IL1RL1: variants seen among roughly 807,000 people sequenced by gnomAD.
IL1RL1 encodes the protein interleukin-1 receptor-like 1.
A neutral mutation model predicts 50.9 loss-of-function variants in IL1RL1; 32 were observed. The ratio of observed to expected loss-of-function variants is 0.63; its 90% confidence interval spans 0.47 to 0.84. IL1RL1 has a LOEUF of 0.84. IL1RL1 is among the 40% of genes least tolerant of loss of function. The pLI is 0.00. For synonymous variants in IL1RL1, 275 were observed against 236.0 expected (o/e 1.17, Z -1.51); for missense variants, 773 against 662.9 (o/e 1.17, Z -1.82).
intron 10 of IL1RL1, among the ~76,000 whole-genome samples, chr2:102,350,793 C>T (rs1462977586): frequency 1.5e-5 from 2 of 134,666 alleles, no homozygotes; most frequent in African/African-American, 6.1e-5. Context: ...AGCACCTCTT[C>T]TCAGCTGGCC....
intron 1 of IL1RL1, among the ~76,000 whole-genome samples, chr2:102,317,510 A>G (rs1676712448): frequency 6.6e-6 from 1 of 152,202 alleles, no homozygotes; most frequent in South Asian, 2.1e-4. Context: ...GTTCCTTATT[A>G]GACTTTCTCC....
At chr2:102,343,705 C>T (rs942643017) in intron 8 of IL1RL1, 11 of 1,333,950 alleles carry the variant, frequency 8.2e-6, no homozygotes, top group Non-Finnish European at 1.1e-5. Flanking sequence ...ACTTTATGAA[C>T]TCCCTCTGTG....
At chr2:102,347,800 C>A in intron 8 of IL1RL1, 145 bp from the exon 9 acceptor site, 1 of 585,990 alleles carries the variant, frequency 1.7e-6, no homozygotes. Context: ...TGTGACTGTC[C>A]TGGTACTTAA....
chr2:102,349,223 G>A lies in IL1RL1; in HGVS notation c.1262G>A (p.Gly421Glu). Reference sequence around the variant, plus strand: ...TGTGGCTATACCTTATGCATTTATGGGAGAGATATGCTACCTGGAGAAGGT... The same window carrying A: ...TGTGGCTATACCTTATGCATTTATGAGAGAGATATGCTACCTGGAGAAGGT... ...NKCGYTLCIY[G>E]RDMLPGEDVV... Residue 421 changes from glycine (G) to glutamate (E), a missense_variant, in exon 10 of 11, where the codon GGG becomes GAG. Transcript: ENST00000233954. 6.2e-7 allele frequency: 1 copy of A among 1,613,588 alleles called. No individual in the cohort carries two copies. The highest frequency in any genetic ancestry group is 1.6e-4 in the Middle Eastern group (1 of 6,062).
rs750155526 is a variant in IL1RL1, at chr2:102,338,951, C to T, written c.176C>T (p.Thr59Ile). Reference protein sequence around the residue: ...YYSQTNKSIPTQERNRVFASG... With the variant: ...YYSQTNKSIPIQERNRVFASG... ...TCACAAACAAACAAAAGTATTCCCA[C>T]TCAGGAAAGAAATCGTGTGTTTGCC... The change falls in exon 3 of 11, where the codon ACT (threonine) becomes ATT (isoleucine). Residue 59 changes from threonine (T) to isoleucine (I), a missense_variant. Coordinates refer to ENST00000233954, the MANE Select transcript of IL1RL1 (RefSeq NM_016232.5). 4.3e-5 allele frequency: 69 copies of T among 1,613,906 alleles called. No individual in the cohort carries two copies. In the Middle Eastern group the frequency reaches 1.3e-3, roughly 31 times the overall value.
At chr2:102,324,016 T>TTTG (rs1228762078) in intron 1 of IL1RL1, among the ~76,000 whole-genome samples, 1 of 151,256 alleles carries the variant, frequency 6.6e-6, no homozygotes, top group African/African-American at 2.4e-5. Flanking sequence ...AGTAGTTCTT[T>TTTG]TTTTTTTTTT....
At chr2:102,344,913 A>G (rs567022531) in intron 8 of IL1RL1, 756 of 971,384 alleles carry the variant, frequency 7.8e-4, no homozygotes, top group South Asian at 1.6e-3. Flanking sequence ...TAATGATATC[A>G]TTATAATTTG....
intron 1 of IL1RL1, among the ~76,000 whole-genome samples, chr2:102,323,273 A>ATATATATAGTGT (rs1303334375): frequency 2.1e-5 from 1 of 48,500 alleles, no homozygotes; most frequent in Non-Finnish European, 4.7e-5. Context: ...ATATATATAT[A>ATATATATAGTGT]GTGTGTGTGT....
At chr2:102,334,281 G>A (rs954596289) in intron 1 of IL1RL1, among the ~76,000 whole-genome samples, 7 of 152,016 alleles carry the variant, frequency 4.6e-5, no homozygotes, top group Non-Finnish European at 8.8e-5. Flanking sequence ...CCATTCAGAC[G>A]GGTCTTCTGG....
At chr2:102,319,269 A>C (rs964169336) in intron 1 of IL1RL1, among the ~76,000 whole-genome samples, 1 of 152,122 alleles carries the variant, frequency 6.6e-6, no homozygotes, top group Non-Finnish European at 1.5e-5. Flanking sequence ...AATCACAAAT[A>C]TATCTCCCTC....
intron 1 of IL1RL1, among the ~76,000 whole-genome samples, chr2:102,331,545 C>T (rs1677179160): frequency 6.6e-6 from 1 of 152,236 alleles, no homozygotes; most frequent in South Asian, 2.1e-4. Context: ...AGAGCTTCTT[C>T]TGGCTCTCTA....
At chr2:102,325,432 A>G (rs1485795700) in intron 1 of IL1RL1, among the ~76,000 whole-genome samples, 1 of 152,234 alleles carries the variant, frequency 6.6e-6, no homozygotes, top group African/African-American at 2.4e-5. Context: ...GGAAACTCTA[A>G]AAATCAGAGC....
chr2:102,319,445 T>A lies in IL1RL1; in HGVS notation c.-150+7822T>A, dbSNP rs555475871. The stretch of plus-strand genomic sequence containing the variant: ...AAGAGAAACAGAAAAGAAAGGGAGG[T>A]GCAACAAAATGAAGGTAAATATTAG... On this transcript the variant is annotated intron_variant, in intron 1 of 10. Coordinates refer to ENST00000233954, the MANE Select transcript of IL1RL1 (RefSeq NM_016232.5). Among the ~76,000 whole-genome samples, 3 of 152,026 alleles carry A rather than the reference T, an allele frequency of 2.0e-5. No individual in the cohort carries two copies. The South Asian group carries it at 6.2e-4, about 32-fold the overall frequency.
chr2:102,342,240 C>T lies in IL1RL1; in HGVS notation c.628C>T (p.Leu210=), dbSNP rs1170969095. Residue 210 remains leucine (L), a synonymous_variant, in exon 6 of 11, where the codon CTG becomes TTG. Coordinates refer to ENST00000233954, the MANE Select transcript of IL1RL1 (RefSeq NM_016232.5). ...TCTTTAAGATGAGCAAGGCTTTTCT[C>T]TGTTTCCAGTAATCGGAGCCCCTGC... ...FTVKDEQGFS[L]FPVIGAPAQN... 1 of 1,610,926 alleles carries T rather than the reference C, an allele frequency of 6.2e-7. No homozygotes were observed. Among genetic ancestry groups the T allele is most frequent in the African/African-American group, 1.3e-5 (1 of 74,820 alleles).
intron 1 of IL1RL1, among the ~76,000 whole-genome samples, chr2:102,328,284 G>A (rs1423612123): frequency 6.6e-6 from 1 of 152,046 alleles, no homozygotes; most frequent in African/African-American, 2.4e-5. Context: ...ATGCAGAAAA[G>A]GCCTTTGACA....
intron 6 of IL1RL1, among the ~76,000 whole-genome samples, chr2:102,342,760 G>T (rs1438983705): frequency 3.9e-5 from 6 of 152,116 alleles, no homozygotes; most frequent in African/African-American, 7.2e-5. Context: ...TGTAATGTGG[G>T]GTTGGTGAAG....
intron 1 of IL1RL1, among the ~76,000 whole-genome samples, chr2:102,325,744 G>A (rs533267451): frequency 6.6e-6 from 1 of 152,204 alleles, no homozygotes. Context: ...CTGGAAGAAA[G>A]GGTATCAGTG....
intron 8 of IL1RL1, among the ~76,000 whole-genome samples, chr2:102,346,949 C>A (rs554498963): frequency 1.2e-4 from 18 of 152,330 alleles, no homozygotes; most frequent in African/African-American, 3.4e-4. Flanking sequence ...ATGCATGTTG[C>A]ATCTACATTT....
In IL1RL1 at chr2:102,312,013, T is replaced by A. The variant is rs13404227; in HGVS notation, c.-150+390T>A. 2.0e-3 allele frequency among the ~76,000 whole-genome samples: 49 copies of A among 24,354 alleles called. 2 individuals carry two copies. The highest frequency in any genetic ancestry group is 8.7e-3 in the African/African-American group (40 of 4,574). The allele number at this position is 24,354 out of a possible 152,430, so 16.0% of individuals were successfully genotyped here. On this transcript the variant is annotated intron_variant, in intron 1 of 10. Transcript: ENST00000233954. ...TTATATATAATATATTTATATATAT[T>A]ATATATAATATATATTATATATTAA...
Sources: allele counts gnomAD v4.1 joint callset (sites outside exome capture counted in the v4.1 genomes callset), GRCh38; gene constraint gnomAD v4.1.1; transcripts MANE v1.5; gene names NCBI Gene and HGNC (gene_info 2026-07-23, HGNC 2026-07-21).